FKBP10: variants seen among roughly 807,000 people sequenced by gnomAD.
FKBP10 encodes the protein FKBP prolyl isomerase 10.
A neutral mutation model predicts 53.7 loss-of-function variants in FKBP10; 34 were observed. That is an observed-to-expected ratio of 0.63 (90% CI 0.48 to 0.84). FKBP10 has a LOEUF of 0.84. Ranked by LOEUF, FKBP10 falls within the 40% of genes least tolerant of loss-of-function variation. The pLI, the probability that FKBP10 is intolerant of heterozygous loss-of-function variation, is 0.00. For synonymous variants in FKBP10, 324 were observed against 335.7 expected, an observed-to-expected ratio of 0.97 and a Z score of 0.38; for missense variants, 748 against 797.8, an observed-to-expected ratio of 0.94 and a Z score of 0.75.
At chr17:41,819,125 A>G in intron 4 of FKBP10, 85 bp from the exon 5 acceptor site, 1 of 1,373,068 alleles carries the variant, frequency 7.3e-7, no homozygotes, top group Non-Finnish European at 1.0e-6. Context: ...AGTGTCTTGC[A>G]TGGTGCCCAC....
chr17:41,820,251 C>G lies in FKBP10; in HGVS notation c.1064-18C>G, dbSNP rs782685890. On this transcript the variant is annotated intron_variant, in intron 6 of 9. Transcript: ENST00000321562. The stretch of plus-strand genomic sequence containing the variant: ...CCTAGTGCTCTGAGCTGACCACACT[C>G]CCCCATTCTGGCCTCAGGAGACAAG... The G allele has an allele frequency of 1.2e-6, 2 of 1,613,808 alleles. No homozygotes were observed. Among genetic ancestry groups the G allele is most frequent in the South Asian group, 1.1e-5 (1 of 91,062 alleles).
chr17:41,821,416 C>T (rs2047889741), intron 8 of FKBP10, among the ~76,000 whole-genome samples: 2 of 152,208 alleles, frequency 1.3e-5, no homozygotes, highest in African/African-American at 4.8e-5. Flanking sequence ...AGCCACTGCG[C>T]TCGGCCCGAG....
intron 4 of FKBP10, 61 bp downstream of exon 4, chr17:41,818,588 C>T (rs1410989179): frequency 4.4e-6 from 7 of 1,603,364 alleles, no homozygotes; most frequent in South Asian, 3.3e-5. Context: ...CAGGCCTCCA[C>T]ATACAGTTGC....
intron 8 of FKBP10, among the ~76,000 whole-genome samples, chr17:41,821,353 C>A (rs1276238074): frequency 6.6e-6 from 1 of 152,048 alleles, no homozygotes; most frequent in Non-Finnish European, 1.5e-5. Flanking sequence ...GAACTCCTGA[C>A]CTCAGGTGAT....
chr17:41,817,939 TAAAAAAA>T (rs370869069), intron 2 of FKBP10, 143 bp from the exon 3 acceptor site: 2 of 707,726 alleles, frequency 2.8e-6, no homozygotes, highest in African/African-American at 3.7e-5. Context: ...CCCTATCTCT[TAAAAAAA>T]AAAAACAAAA....
At chr17:41,815,710 C>T (rs1368618536) in intron 1 of FKBP10, among the ~76,000 whole-genome samples, 14 of 151,590 alleles carry the variant, frequency 9.2e-5, no homozygotes, top group African/African-American at 3.4e-4. Context: ...CCGCCTCGGC[C>T]TCCCAAAGTG....
Position 41,818,165 on chromosome 17 carries a change from G to T in FKBP10, c.468G>T (p.Val156=). The T allele has an allele frequency of 6.2e-7, 1 of 1,613,766 alleles. No individual in the cohort carries two copies. Among genetic ancestry groups the T allele is most frequent in the South Asian group, 1.1e-5 (1 of 91,088 alleles). The part of the protein sequence containing the change: ...LLDVWNKEDT[V]QVSTLLRPPH... ...ATGTGTGGAACAAGGAAGACACCGT[G>T]CAGGTGAGCACATTGCTGCGCCCGC... is the stretch of plus-strand genomic sequence containing the variant. Residue 156 remains valine, a synonymous_variant, in exon 3 of 10, where the codon GTG becomes GTT. Coordinates refer to ENST00000321562, the MANE Select transcript of FKBP10 (RefSeq NM_021939.4).
At position 41,818,216 on chromosome 17, in the gene FKBP10, C is replaced by T. The variant is rs147719322; in HGVS notation, c.519C>T (p.Asp173=). The T allele has an allele frequency of 2.9e-5, 47 of 1,613,368 alleles. No homozygotes were observed. The highest frequency in any genetic ancestry group is 3.3e-4 in the Middle Eastern group (2 of 6,084). Residue 173 remains aspartate (D), a synonymous_variant, in exon 3 of 10, where the codon GAC becomes GAT. Coordinates refer to ENST00000321562, the MANE Select transcript of FKBP10 (RefSeq NM_021939.4). The stretch of plus-strand genomic sequence containing the variant: ...CCCACTGCCCCCGCATGGTCCAGGA[C>T]GGCGACTTTGTCCGCTACCACTACA... ...RPPHCPRMVQ[D]GDFVRYHYNG... is the part of the protein sequence containing the mutation.
In FKBP10 at chr17:41,822,584, A is replaced by C; in HGVS notation, c.*176A>C. ...TTCCCACCACCCTAGATGAAAATCC[A>C]CAGCACAGACCTCTACCGTGTTTCT... On this transcript the variant is annotated 3_prime_UTR_variant, in exon 10 of 10. Coordinates refer to ENST00000321562, the MANE Select transcript of FKBP10 (RefSeq NM_021939.4). The C allele has an allele frequency of 1.4e-6, 1 of 713,014 alleles. No homozygotes were observed. Among genetic ancestry groups the C allele is most frequent in the Non-Finnish European group, 2.4e-6 (1 of 412,146 alleles). 44.2% of individuals were successfully genotyped at this position (713,014 alleles called of 1,614,324 possible). A position where few individuals can be genotyped will look rare whatever the true frequency, so the allele number is the denominator to read the frequency against.
At position 41,820,966 on chromosome 17, in the gene FKBP10, C is replaced by G. The variant is rs782185490; in HGVS notation, c.1276C>G (p.Gln426Glu). 1 of 1,612,090 alleles carries G rather than the reference C, an allele frequency of 6.2e-7. No individual in the cohort carries two copies. The highest frequency in any genetic ancestry group is 1.3e-5 in the African/African-American group (1 of 74,916). Reference protein sequence around the residue: ...LFTSHDYGAPQEATLGANKVI... With the variant: ...LFTSHDYGAPEEATLGANKVI... ...CCCCAGGCATGACTACGGGGCCCCCCAGGAGGCGACTCTCGGGGCCAACAA... is the reference window on the plus strand; with the variant it reads ...CCCCAGGCATGACTACGGGGCCCCCGAGGAGGCGACTCTCGGGGCCAACAA... The change falls in exon 8 of 10, where the codon CAG becomes GAG. Residue 426 changes from glutamine (Q) to glutamate (E), a missense_variant. By Grantham distance (29) the Gln-to-Glu change is conservative. Coordinates refer to ENST00000321562, the MANE Select transcript of FKBP10 (RefSeq NM_021939.4).
intron 1 of FKBP10, among the ~76,000 whole-genome samples, chr17:41,815,986 T>A (rs1345553176): frequency 6.6e-6 from 1 of 150,800 alleles, no homozygotes; most frequent in Non-Finnish European, 1.5e-5. Context: ...AATACAAAAA[T>A]TAGCCAGATA....
chr17:41,819,818 C>G, intron 6 of FKBP10, 143 bp downstream of exon 6: 1 of 1,538,214 alleles, frequency 6.5e-7, no homozygotes, highest in Non-Finnish European at 8.8e-7. Context: ...ATCTGGTCAC[C>G]CCATCTGATT....
rs1555616226 is a variant in FKBP10, at chr17:41,817,206, G to A, written c.391+3G>A. On this transcript the variant is annotated splice_donor_region_variant and intron_variant, in intron 2 of 9. Coordinates refer to ENST00000321562, the MANE Select transcript of FKBP10 (RefSeq NM_021939.4). ...GGGCTATGGGAGCATCGGCCTGGGT[G>A]AGAAGGGCTGGGGCACAGGCCGGGG... 3 of 1,612,238 alleles carry A rather than the reference G, an allele frequency of 1.9e-6. No individual in the cohort carries two copies. Among genetic ancestry groups the A allele is most frequent in the Non-Finnish European group, 2.5e-6 (3 of 1,180,036 alleles).
Position 41,813,660 on chromosome 17 carries a change from C to T in FKBP10, c.245+381C>T, listed in dbSNP as rs117309264. The stretch of plus-strand genomic sequence containing the variant: ...TGGGATGGTCTATCAGCCTGGACCC[C>T]GTACCTTTCCACCCACCCTGACTCC... On this transcript the variant is annotated intron_variant, in intron 1 of 9. Transcript: ENST00000321562. Among the ~76,000 whole-genome samples the T allele has an allele frequency of 4.0e-4, 61 of 152,220 alleles. No individual in the cohort carries two copies. In the East Asian group the frequency reaches 0.012, roughly 29 times the overall value.
chr17:41,819,311 C>A lies in FKBP10; in HGVS notation c.829C>A (p.Pro277Thr), dbSNP rs138089753. The A allele has an allele frequency of 7.2e-5, 116 of 1,614,046 alleles. No individual in the cohort carries two copies. Among genetic ancestry groups the A allele is most frequent in the Middle Eastern group, 1.6e-4 (1 of 6,084 alleles). The stretch of plus-strand genomic sequence containing the variant: ...CCAGCTAGAGACGCTGGAGCTCCCC[C>A]CCGGCTGTGTCCGCAGAGCCGGGGC... ...AVQLETLELP[P>T]GCVRRAGAGD... The change falls in exon 5 of 10, where the codon CCC becomes ACC. Residue 277 changes from proline to threonine, a missense_variant. Coordinates refer to ENST00000321562, the MANE Select transcript of FKBP10 (RefSeq NM_021939.4).
At chr17:41,816,966 C>T (rs531095764) in intron 1 of FKBP10, 92 bp from the exon 2 acceptor site, 13 of 1,475,266 alleles carry the variant, frequency 8.8e-6, no homozygotes, top group Admixed American at 5.3e-5. Flanking sequence ...GGATTGTGTG[C>T]GTGTGTGCAG....
rs782139799 is a variant in FKBP10, at chr17:41,819,584, C to T, written c.972C>T (p.Pro324=). ...NTYIGQGYII[P]GMDQGLQGAC... ...ATATCGGGCAGGGTTACATCATCCC[C>T]GGGATGGACCAGGGGCTGCAGGGTG... The change falls in exon 6 of 10, where the codon CCC becomes CCT. Residue 324 remains proline, a synonymous_variant. Coordinates refer to ENST00000321562, the MANE Select transcript of FKBP10 (RefSeq NM_021939.4). 22 of 1,613,954 alleles carry T rather than the reference C, an allele frequency of 1.4e-5. No homozygotes were observed. Among genetic ancestry groups the T allele is most frequent in the Admixed American group, 5.0e-5 (3 of 59,998 alleles).
chr17:41,815,608 G>A (rs2047805444), intron 1 of FKBP10, among the ~76,000 whole-genome samples: 1 of 151,462 alleles, frequency 6.6e-6, no homozygotes, highest in African/African-American at 2.4e-5. Context: ...TGGGACTACA[G>A]GCGCCTCCAC....
intron 1 of FKBP10, among the ~76,000 whole-genome samples, chr17:41,815,975 A>G (rs1202107234): frequency 6.6e-6 from 1 of 151,166 alleles, no homozygotes; most frequent in Non-Finnish European, 1.5e-5. Flanking sequence ...TCTCTACTAA[A>G]AATACAAAAA....
Sources: gnomAD v4.1 joint callset for allele counts (sites outside exome capture counted in the v4.1 genomes callset) on GRCh38, gnomAD v4.1.1 for gene constraint, MANE v1.5 for transcripts, NCBI Gene and HGNC (gene_info 2026-07-23, HGNC 2026-07-21) for gene names.